NOL4L: variants seen among roughly 807,000 people sequenced by gnomAD.
The protein encoded by NOL4L is nucleolar protein 4-like.
In NOL4L, 7 loss-of-function variants were observed where a neutral mutation model predicts 64.5. The ratio of observed to expected loss-of-function variants is 0.11; its 90% CI spans 0.06 to 0.20. The LOEUF (loss-of-function observed/expected upper bound fraction) is 0.20, where lower values mean the gene tolerates loss of function less well. Among genes scored for constraint, NOL4L ranks in the 10% least tolerant of loss-of-function variants. NOL4L has a pLI of 1.00. For synonymous variants in NOL4L, 413 were observed against 401.0 expected, an observed-to-expected ratio of 1.03 and a Z score of -0.36; for missense variants, 680 against 967.1, an observed-to-expected ratio of 0.70 and a Z score of 3.94.
intron 1 of NOL4L, among the ~76,000 whole-genome samples, chr20:32,550,047 G>C (rs1190289220): frequency 3.9e-5 from 6 of 152,178 alleles, no homozygotes; most frequent in Non-Finnish European, 8.8e-5. Flanking sequence ...ATAACATGTG[G>C]TATGTCCATT....
intron 1 of NOL4L, among the ~76,000 whole-genome samples, chr20:32,528,554 G>A (rs1261929122): frequency 1.3e-5 from 2 of 152,354 alleles, no homozygotes; most frequent in Middle Eastern, 3.4e-3. Flanking sequence ...CGTGGGCCCC[G>A]AGCCTCTTAT....
At chr20:32,479,703 C>T (rs901183621) in intron 4 of NOL4L, among the ~76,000 whole-genome samples, 1 of 152,216 alleles carries the variant, frequency 6.6e-6, no homozygotes, top group African/African-American at 2.4e-5. Flanking sequence ...TGGCCTTGCC[C>T]ACCCAGCAAT....
rs924792620 is a variant in NOL4L, at chr20:32,444,414, G to A, written c.*3182C>T. The A allele has an allele frequency of 5.3e-5, 8 of 152,202 alleles. No homozygotes were observed. The highest frequency in any genetic ancestry group is 1.7e-4 in the African/African-American group (7 of 41,452). The allele number at this position is 152,202 out of a possible 1,614,324, so 9.4% of individuals were successfully genotyped here. A position where few individuals can be genotyped will look rare whatever the true frequency, so the allele number is the denominator to read the frequency against. On this transcript the variant is annotated 3_prime_UTR_variant, in exon 11 of 11. Transcript: ENST00000621426. Reference sequence around the variant, plus strand: ...GCAGCATTTTGAAAATGAACTGGTAGTTAATCCTGTAACCACCCTTAGAGT... The same window carrying A: ...GCAGCATTTTGAAAATGAACTGGTAATTAATCCTGTAACCACCCTTAGAGT...
chr20:32,496,369 A>T (rs913768046), intron 4 of NOL4L, among the ~76,000 whole-genome samples: 1 of 151,606 alleles, frequency 6.6e-6, no homozygotes, highest in Non-Finnish European at 1.5e-5. Flanking sequence ...ATCTACCCCA[A>T]ATTTCCTCCT....
chr20:32,450,788 C>G (rs2012816967), intron 10 of NOL4L, among the ~76,000 whole-genome samples: 1 of 152,156 alleles, frequency 6.6e-6, no homozygotes, highest in Non-Finnish European at 1.5e-5. Flanking sequence ...GTAGGGGGGG[C>G]AGGGCTTTTC....
At chr20:32,475,497 G>A (rs937481603) in intron 4 of NOL4L, 3 of 270,548 alleles carry the variant, frequency 1.1e-5, no homozygotes, top group African/African-American at 2.3e-5. Flanking sequence ...CTCTCTCCTC[G>A]CTGCCGGCTT....
chr20:32,526,635 A>C (rs1010010212), intron 2 of NOL4L, among the ~76,000 whole-genome samples: 1 of 152,198 alleles, frequency 6.6e-6, no homozygotes, highest in African/African-American at 2.4e-5. Flanking sequence ...GGGGAAGCCC[A>C]GCCACAGAAG....
intron 2 of NOL4L, among the ~76,000 whole-genome samples, chr20:32,526,639 A>C (rs1471269014): frequency 6.6e-6 from 1 of 152,188 alleles, no homozygotes; most frequent in African/African-American, 2.4e-5. Context: ...AAGCCCAGCC[A>C]CAGAAGGGCA....
chr20:32,577,927 T>C (rs560540828), intron 1 of NOL4L, among the ~76,000 whole-genome samples: 9 of 152,180 alleles, frequency 5.9e-5, no homozygotes, highest in Middle Eastern at 6.8e-3. Flanking sequence ...TGAGATCACA[T>C]AGCAGCTAAC....
intron 5 of NOL4L, among the ~76,000 whole-genome samples, chr20:32,471,812 C>T (rs2015041112): frequency 6.6e-6 from 1 of 152,056 alleles, no homozygotes; most frequent in Non-Finnish European, 1.5e-5. Flanking sequence ...CTGGTACCTC[C>T]TCCCTCTCTC....
At chr20:32,492,614 G>T (rs965081542) in intron 4 of NOL4L, among the ~76,000 whole-genome samples, 3 of 152,248 alleles carry the variant, frequency 2.0e-5, no homozygotes, top group African/African-American at 7.2e-5. Context: ...AGCCAGGTCA[G>T]CTTCCATGGC....
chr20:32,469,211 G>T (rs2014814086), intron 5 of NOL4L, among the ~76,000 whole-genome samples: 1 of 152,120 alleles, frequency 6.6e-6, no homozygotes, highest in Admixed American at 6.5e-5. Context: ...TGTCAGGGAG[G>T]CCAATGACTA....
chr20:32,565,608 C>A (rs1377793172), intron 1 of NOL4L, among the ~76,000 whole-genome samples: 1 of 152,086 alleles, frequency 6.6e-6, no homozygotes. Flanking sequence ...CACATCCTCT[C>A]CAGGCCTCAA....
At chr20:32,513,441 G>A (rs1266264948) in intron 3 of NOL4L, among the ~76,000 whole-genome samples, 3 of 152,186 alleles carry the variant, frequency 2.0e-5, no homozygotes, top group African/African-American at 7.2e-5. Flanking sequence ...GGTTACTGGG[G>A]ACTGGTGGCT....
rs138598140 is a variant in NOL4L at position 32,475,102 on chromosome 20, C to T, written c.700-360G>A. ...CGCTCCCTGCTCTCAGCCCAGGGACCGGGGCTCACTCTGCACAGGACCCGG... is the reference window on the plus strand; with the variant it reads ...CGCTCCCTGCTCTCAGCCCAGGGACTGGGGCTCACTCTGCACAGGACCCGG... On this transcript the variant is annotated intron_variant, in intron 4 of 10. Transcript: ENST00000621426. 2.6e-3 allele frequency: 2,566 copies of T among 985,466 alleles called. 55 individuals carry two copies. In the African/African-American group the frequency reaches 0.04, roughly 15 times the overall value. The allele number at this position is 985,466 out of a possible 1,614,324, so 61.0% of individuals were successfully genotyped here.
chr20:32,453,099 G>A lies in NOL4L; in HGVS notation c.1498-93C>T, dbSNP rs2013102766. ...GCCCCAGGGGTGGGTGGCACAGGGT[G>A]GGGTTTGGGCTCCAGCGCCTCAGTC... On this transcript the variant is annotated intron_variant, in intron 8 of 10. Transcript: ENST00000621426. This position sits in a 1 kb window ranked among gnomAD's most constrained non-coding sequence, Gnocchi z 5.6. The A allele has an allele frequency of 5.8e-6, 9 of 1,559,654 alleles. No homozygotes were observed. The highest frequency in any genetic ancestry group is 5.7e-5 in the South Asian group (5 of 87,872).
chr20:32,467,220 G>A (rs2014631363), intron 5 of NOL4L, among the ~76,000 whole-genome samples: 4 of 152,122 alleles, frequency 2.6e-5, no homozygotes, highest in Admixed American at 2.6e-4. Flanking sequence ...TTGGATGGCA[G>A]CACTGACTCC....
At chr20:32,474,480 A>T (rs1174732780) in intron 5 of NOL4L, 121 bp downstream of exon 5, 1 of 1,251,894 alleles carries the variant, frequency 8.0e-7, no homozygotes, top group African/African-American at 1.5e-5. Flanking sequence ...GGCCTGAGCC[A>T]CCCAAAGGCC....
At chr20:32,530,623 A>T (rs930881930) in intron 1 of NOL4L, among the ~76,000 whole-genome samples, 2 of 151,870 alleles carry the variant, frequency 1.3e-5, no homozygotes, top group Admixed American at 6.6e-5. Flanking sequence ...TTATTAAGTC[A>T]TTAAATCTTA....
Sources: gnomAD v4.1 joint callset for allele counts (sites outside exome capture counted in the v4.1 genomes callset) on GRCh38, gnomAD v4.1.1 for gene constraint, Gnocchi (gnomAD v3.1) non-coding constraint, MANE v1.5 for transcripts, NCBI Gene and HGNC (gene_info 2026-07-23, HGNC 2026-07-21) for gene names.